The following RORB variants were observed in gnomAD, a reference collection of about 807,000 sequenced individuals.
RORB encodes the protein nuclear receptor ROR-beta.
A neutral mutation model predicts 59.1 loss-of-function variants in RORB; 6 were observed. The observed-to-expected ratio is 0.10, with a 90% CI of 0.06 to 0.20. RORB has a LOEUF of 0.20. Among genes scored for constraint, RORB ranks in the 10% least tolerant of loss-of-function variants. RORB has a pLI of 1.00. For synonymous variants in RORB, 215 were observed against 204.5 expected (o/e 1.05, Z -0.44); for missense variants, 320 against 560.5 (o/e 0.57, Z 4.33).
chr9:74,559,782 A>G (rs1233050976), intron 1 of RORB, among the ~76,000 whole-genome samples: 1 of 152,168 alleles, frequency 6.6e-6, no homozygotes, highest in African/African-American at 2.4e-5. Context: ...CTTCTCATAC[A>G]GTAGATGTAA....
At chr9:74,677,932 A>G (rs753792201) in intron 9 of RORB, among the ~76,000 whole-genome samples, 11 of 152,334 alleles carry the variant, frequency 7.2e-5, no homozygotes, top group Admixed American at 1.3e-4. Flanking sequence ...ATGCAAGATA[A>G]ATAAACATAG....
chr9:74,648,983 T>C (rs890285318), intron 4 of RORB, among the ~76,000 whole-genome samples: 4 of 152,008 alleles, frequency 2.6e-5, no homozygotes, highest in Non-Finnish European at 5.9e-5. Flanking sequence ...TTTTTTTTTT[T>C]TCGACGGAGT....
At chr9:74,548,168 G>A (rs12343706) in intron 1 of RORB, among the ~76,000 whole-genome samples, 55,153 of 151,994 alleles carry the variant, frequency 0.36, 10,174 homozygotes, top group African/African-American at 0.39. Context: ...CGGCATGACC[G>A]TGTGGGGAGA....
intron 1 of RORB, among the ~76,000 whole-genome samples, chr9:74,603,984 CG>C (rs1312111367): frequency 1.3e-5 from 2 of 152,192 alleles, no homozygotes; most frequent in Non-Finnish European, 2.9e-5. Flanking sequence ...TTCCCTTCCA[CG>C]TGAACGGATC....
chr9:74,600,785 C>G (rs528095932), intron 1 of RORB, among the ~76,000 whole-genome samples: 2 of 152,204 alleles, frequency 1.3e-5, no homozygotes, highest in South Asian at 4.1e-4. Context: ...GTATCCTTTA[C>G]CCAGTGAATA....
chr9:74,645,302 C>G (rs543502790), intron 4 of RORB, among the ~76,000 whole-genome samples: 1 of 152,032 alleles, frequency 6.6e-6, no homozygotes. Flanking sequence ...TTTCCTGCAC[C>G]GTCCAAAACA....
intron 1 of RORB, among the ~76,000 whole-genome samples, chr9:74,518,995 T>C (rs1826048678): frequency 6.6e-6 from 1 of 152,002 alleles, no homozygotes; most frequent in African/African-American, 2.4e-5. Flanking sequence ...GTCGTGTATA[T>C]CAAAAGAAGA....
intron 1 of RORB, among the ~76,000 whole-genome samples, chr9:74,612,128 T>G (rs1823239614): frequency 6.6e-6 from 1 of 152,132 alleles, no homozygotes; most frequent in Admixed American, 6.5e-5. Flanking sequence ...CAGAAATTAC[T>G]GTGGGTAAAT....
At chr9:74,517,660 C>T (rs1159609836) in intron 1 of RORB, among the ~76,000 whole-genome samples, 3 of 151,550 alleles carry the variant, frequency 2.0e-5, no homozygotes, top group South Asian at 2.1e-4. Flanking sequence ...GGGCATTACC[C>T]GAAAACCATT....
At chr9:74,552,598 T>C (rs542955464) in intron 1 of RORB, among the ~76,000 whole-genome samples, 1 of 152,216 alleles carries the variant, frequency 6.6e-6, no homozygotes, top group East Asian at 1.9e-4. Context: ...TAGGGTCATG[T>C]TTCTATACTG....
At chr9:74,505,051 A>C (rs529359764) in intron 1 of RORB, among the ~76,000 whole-genome samples, 1 of 152,238 alleles carries the variant, frequency 6.6e-6, no homozygotes, top group East Asian at 1.9e-4. Context: ...TTAAGCACAA[A>C]ATTATCCTTA....
At position 74,600,852 on chromosome 9, in the gene RORB, T is replaced by C. The variant is rs112357841; in HGVS notation, c.8-29430T>C. ...GGGAAATCTACAGACTACTTCTATC[T>C]AGGGTTGAGCAGATTTCCCTTTAAA... On this transcript the variant is annotated intron_variant, in intron 1 of 9. Transcript: ENST00000376896. Among the ~76,000 whole-genome samples, 949 of 152,302 alleles carry C rather than the reference T, an allele frequency of 6.2e-3. 2 individuals are homozygous for C. Among genetic ancestry groups the C allele is most frequent in the Middle Eastern group, 0.01 (3 of 294 alleles).
At chr9:74,568,855 T>G (rs112793124) in intron 1 of RORB, among the ~76,000 whole-genome samples, 2 of 152,110 alleles carry the variant, frequency 1.3e-5, no homozygotes, top group African/African-American at 4.8e-5. Context: ...TTAAAATATT[T>G]GCAGTTTCCT....
chr9:74,660,181 A>C (rs1824157349), intron 4 of RORB, among the ~76,000 whole-genome samples: 1 of 152,218 alleles, frequency 6.6e-6, no homozygotes, highest in South Asian at 2.1e-4. Flanking sequence ...CCTTTAAAAA[A>C]ATAAGCAAAT....
At chr9:74,582,106 T>A (rs911460362) in intron 1 of RORB, among the ~76,000 whole-genome samples, 2 of 152,274 alleles carry the variant, frequency 1.3e-5, no homozygotes, top group African/African-American at 4.8e-5. Context: ...GCAGCATGGA[T>A]GAAATAGTGC....
Position 74,679,058 on chromosome 9 carries a change from C to CAA in RORB, c.1225-6395_1225-6394dup, listed in dbSNP as rs201082469. ...AAAAAAAAAAACAAAAACAAACAAA[C>CAA]AAAAAAAAAAACAAAAAAACCAACC... is the stretch of plus-strand genomic sequence containing the variant. On this transcript the variant is annotated intron_variant, in intron 9 of 9. Coordinates refer to ENST00000376896, the MANE Select transcript of RORB (RefSeq NM_006914.4). Among the ~76,000 whole-genome samples, 127 of 137,336 alleles carry CAA rather than the reference C, an allele frequency of 9.2e-4. 2 individuals carry two copies. Among genetic ancestry groups the CAA allele is most frequent in the African/African-American group, 3.0e-3 (115 of 38,092 alleles). 90.1% of individuals were successfully genotyped at this position (137,336 alleles called of 152,430 possible).
chr9:74,541,279 CAAAAAAAAAAAAAAAAAA>C (rs374556016), intron 1 of RORB, among the ~76,000 whole-genome samples: 1 of 43,614 alleles, frequency 2.3e-5, no homozygotes, highest in Non-Finnish European at 3.5e-5. Context: ...GACTCCATCT[CAAAAAAAAAAAAAAAAAA>C]AAAAAAAAAG....
intron 1 of RORB, among the ~76,000 whole-genome samples, chr9:74,593,332 G>T (rs1434141089): frequency 6.6e-6 from 1 of 151,918 alleles, no homozygotes; most frequent in Non-Finnish European, 1.5e-5. Context: ...CAGGCACAGT[G>T]GTGTACGCCT....
chr9:74,563,141 G>A (rs7048382), intron 1 of RORB, among the ~76,000 whole-genome samples: 1 of 150,666 alleles, frequency 6.6e-6, no homozygotes, highest in African/African-American at 2.5e-5. Context: ...ACTGGAGCCC[G>A]ATCCAGGATC....
Sources: gnomAD v4.1 joint callset for allele counts (sites outside exome capture counted in the v4.1 genomes callset) on GRCh38, gnomAD v4.1.1 for gene constraint, MANE v1.5 for transcripts, NCBI Gene and HGNC (gene_info 2026-07-23, HGNC 2026-07-21) for gene names.